CEP85L: variants seen among roughly 807,000 people sequenced by gnomAD.
CEP85L encodes the protein centrosomal protein 85L.
Under a neutral mutation model 100.3 loss-of-function variants are expected in CEP85L, and 60 were observed. The ratio of observed to expected loss-of-function variants is 0.60; its 90% CI spans 0.49 to 0.74. The LOEUF is 0.74. CEP85L is among the 30% of genes least tolerant of loss of function. CEP85L has a pLI of 0.00. For synonymous variants in CEP85L, 319 were observed against 322.7 expected (o/e 0.99, Z 0.12); for missense variants, 973 against 936.2 (o/e 1.04, Z -0.51).
chr6:118,671,637 C>G (rs1349970704), intron 1 of CEP85L, among the ~76,000 whole-genome samples: 1 of 152,108 alleles, frequency 6.6e-6, no homozygotes, highest in African/African-American at 2.4e-5. Context: ...AATTCATCAT[C>G]AAAATAAATG....
At chr6:118,516,258 G>C (rs1475543113) in intron 4 of CEP85L, among the ~76,000 whole-genome samples, 2 of 152,146 alleles carry the variant, frequency 1.3e-5, no homozygotes, top group Non-Finnish European at 2.9e-5. Flanking sequence ...AATCCTTTGG[G>C]TATATACCCA....
intron 2 of CEP85L, among the ~76,000 whole-genome samples, chr6:118,598,463 T>C (rs1023099689): frequency 2.0e-5 from 3 of 152,180 alleles, no homozygotes; most frequent in African/African-American, 7.2e-5. Context: ...GTCATGCTGG[T>C]TCAGGGTGAG....
At chr6:118,681,748 CTT>C (rs199966143) in intron 1 of CEP85L, among the ~76,000 whole-genome samples, 24,787 of 123,916 alleles carry the variant, frequency 0.2, 1,937 homozygotes, top group Non-Finnish European at 0.29. Flanking sequence ...ATAATTATTT[CTT>C]TTTTTTTTTT....
chr6:118,497,803 A>C (rs1251362861), intron 5 of CEP85L, among the ~76,000 whole-genome samples: 1 of 152,248 alleles, frequency 6.6e-6, no homozygotes, highest in African/African-American at 2.4e-5. Flanking sequence ...AGAAAGCAAG[A>C]GCATCGGAAA....
At chr6:118,484,035 T>A (rs1773993798) in intron 6 of CEP85L, among the ~76,000 whole-genome samples, 177 bp from the exon 7 acceptor site, 1 of 151,984 alleles carries the variant, frequency 6.6e-6, no homozygotes, top group Admixed American at 6.6e-5. Context: ...ACTTGCCGGG[T>A]GTGGTGGCTC....
rs138110660 is a variant in CEP85L, at chr6:118,590,467, A to G, written c.233-24151T>C. Among the ~76,000 whole-genome samples the G allele has an allele frequency of 9.2e-5, 14 of 152,210 alleles. No homozygotes were observed. In the East Asian group the frequency reaches 1.9e-3, roughly 21 times the overall value. ...ATCATGGACACCACCACATATCCCCATGTGTATAGAACATCATAGCCCCCT... is the reference window on the plus strand; with the variant it reads ...ATCATGGACACCACCACATATCCCCGTGTGTATAGAACATCATAGCCCCCT... On this transcript the variant is annotated intron_variant, in intron 2 of 12. Coordinates refer to ENST00000368491, the MANE Select transcript of CEP85L (RefSeq NM_001042475.3).
intron 5 of CEP85L, 53 bp downstream of exon 5, chr6:118,511,245 T>C: frequency 9.5e-7 from 1 of 1,057,334 alleles, no homozygotes; most frequent in East Asian, 2.4e-5. Context: ...GTAAGTATAT[T>C]ATTAACACAA....
At chr6:118,700,217 C>T (rs947741954) in intron 1 of CEP85L, among the ~76,000 whole-genome samples, 29 of 152,350 alleles carry the variant, frequency 1.9e-4, no homozygotes, top group East Asian at 1.3e-3. Flanking sequence ...ATTTCTTCCT[C>T]CTTCTAGAGG....
At chr6:118,526,714 T>A (rs890139800) in intron 3 of CEP85L, among the ~76,000 whole-genome samples, 2 of 152,194 alleles carry the variant, frequency 1.3e-5, no homozygotes, top group Non-Finnish European at 2.9e-5. Flanking sequence ...TCTGGTCATC[T>A]TTACTTCTCA....
intron 2 of CEP85L, among the ~76,000 whole-genome samples, chr6:118,600,294 C>CTGG (rs1781663450): frequency 4.7e-3 from 2 of 424 alleles, no homozygotes; most frequent in Non-Finnish European, 9.3e-3. Flanking sequence ...CCTGAGCCTT[C>CTGG]CTGGGGGTGT....
intron 2 of CEP85L, among the ~76,000 whole-genome samples, chr6:118,572,362 T>C (rs1009484939): frequency 1.3e-5 from 2 of 149,126 alleles, no homozygotes; most frequent in Non-Finnish European, 1.5e-5. Flanking sequence ...AAGACCATCC[T>C]GGCCAACATC....
chr6:118,579,793 G>C (rs1390284119), intron 2 of CEP85L, among the ~76,000 whole-genome samples: 3 of 152,232 alleles, frequency 2.0e-5, no homozygotes, highest in Non-Finnish European at 4.4e-5. Flanking sequence ...TTTTAAGGCA[G>C]CTCCAGATAC....
intron 3 of CEP85L, among the ~76,000 whole-genome samples, chr6:118,550,718 T>A (rs1778492139): frequency 6.6e-6 from 1 of 151,880 alleles, no homozygotes; most frequent in African/African-American, 2.4e-5. Context: ...AAGTAAACCA[T>A]GACACTGACA....
chr6:118,572,764 C>A lies in CEP85L; in HGVS notation c.233-6448G>T, dbSNP rs564333801. On this transcript the variant is annotated intron_variant, in intron 2 of 12. Coordinates refer to ENST00000368491, the MANE Select transcript of CEP85L (RefSeq NM_001042475.3). The stretch of plus-strand genomic sequence containing the variant: ...GAAAAGACAATACAAACATATTAAT[C>A]TCAATAAAAATATGAGGCCGGGTGC... Among the ~76,000 whole-genome samples, 67 of 152,110 alleles carry A rather than the reference C, an allele frequency of 4.4e-4. 2 individuals are homozygous for A. In the South Asian group the frequency reaches 0.013, roughly 31 times the overall value.
intron 2 of CEP85L, chr6:118,589,209 C>T (rs917633972): frequency 4.3e-5 from 10 of 233,742 alleles, no homozygotes; most frequent in Middle Eastern, 4.0e-3. Context: ...GAGAAAATCA[C>T]CTATGTGTAT....
At chr6:118,698,332 C>T (rs1356381653) in intron 1 of CEP85L, among the ~76,000 whole-genome samples, 1 of 152,142 alleles carries the variant, frequency 6.6e-6, no homozygotes, top group South Asian at 2.1e-4. Context: ...TGGTCTTAAT[C>T]TAAAATACTA....
intron 3 of CEP85L, 110 bp from the exon 4 acceptor site, chr6:118,524,030 G>T: frequency 2.2e-6 from 1 of 458,986 alleles, no homozygotes; most frequent in Non-Finnish European, 3.7e-6. Flanking sequence ...CTCCCTCTTT[G>T]ATTTTTTAAT....
At chr6:118,511,948 T>C (rs1404651155) in intron 4 of CEP85L, among the ~76,000 whole-genome samples, 1 of 149,822 alleles carries the variant, frequency 6.7e-6, no homozygotes, top group Non-Finnish European at 1.5e-5. Flanking sequence ...TCAAATAATT[T>C]AAAGCTTTAC....
intron 1 of CEP85L, among the ~76,000 whole-genome samples, chr6:118,699,791 T>A (rs1377439684): frequency 6.6e-6 from 1 of 152,046 alleles, no homozygotes; most frequent in African/African-American, 2.4e-5. Context: ...GCCTCCTGGG[T>A]TCAAGTGATT....
Sources: gnomAD v4.1 joint callset for allele counts (sites outside exome capture counted in the v4.1 genomes callset) on GRCh38, gnomAD v4.1.1 for gene constraint, MANE v1.5 for transcripts, NCBI Gene and HGNC (gene_info 2026-07-23, HGNC 2026-07-21) for gene names.